RAB3C: variants seen among roughly 807,000 people sequenced by gnomAD.
RAB3C encodes RAB3C, member RAS oncogene family, also known as ras-related protein Rab-3C.
RAB3C carries 17 observed loss-of-function variants against 26.4 expected under a neutral mutation model. That is an observed-to-expected ratio of 0.64 (90% CI 0.44 to 0.97). The LOEUF is 0.97. Among genes scored for constraint, RAB3C ranks in the 50% least tolerant of loss-of-function variants. The pLI is 0.00. For missense variants in RAB3C, 242 were observed against 281.9 expected (o/e 0.86, Z 1.01); for synonymous variants, 91 against 95.9 (o/e 0.95, Z 0.30).
chr5:58,762,136 C>A (rs1185681620), intron 3 of RAB3C, among the ~76,000 whole-genome samples: 1 of 151,380 alleles, frequency 6.6e-6, no homozygotes, highest in African/African-American at 2.4e-5. Flanking sequence ...AACATATAAT[C>A]AATATAAAAA....
intron 2 of RAB3C, among the ~76,000 whole-genome samples, chr5:58,701,248 G>C (rs192556197): frequency 6.6e-6 from 1 of 152,078 alleles, no homozygotes; most frequent in Non-Finnish European, 1.5e-5. Flanking sequence ...TGATCCACCC[G>C]CCTTGGCCTC....
rs369045016 is a variant in RAB3C, at chr5:58,821,654, T to A, written c.372-3384T>A. Among the ~76,000 whole-genome samples the A allele has an allele frequency of 2.6e-5, 4 of 152,330 alleles. No individual in the cohort carries two copies. The East Asian group carries it at 7.7e-4, about 29-fold the overall frequency. ...AATTAGAAAGGTCGTATTGTTCTGA[T>A]AAAATATGCTATGACTCTGAGATGT... is the stretch of plus-strand genomic sequence containing the variant. On this transcript the variant is annotated intron_variant, in intron 3 of 4. Transcript: ENST00000282878.
chr5:58,667,334 T>A (rs1026133783), intron 2 of RAB3C, among the ~76,000 whole-genome samples: 6 of 152,180 alleles, frequency 3.9e-5, no homozygotes, highest in Non-Finnish European at 5.9e-5. Context: ...TTTCCTGACT[T>A]AAGGAAATGA....
At chr5:58,582,470 C>T, upstream of RAB3C, 1 of 965,760 alleles carries the variant, frequency 1.0e-6, no homozygotes, top group Non-Finnish European at 1.2e-6. Context: ...CGCTTTCACG[C>T]ACTTCGGTGT....
chr5:58,800,904 C>A (rs1013379812), intron 3 of RAB3C, among the ~76,000 whole-genome samples: 1 of 152,176 alleles, frequency 6.6e-6, no homozygotes, highest in Admixed American at 6.5e-5. Context: ...CTTCCCACAT[C>A]AATTCTGAGT....
chr5:58,766,415 C>G (rs140464041), intron 3 of RAB3C, among the ~76,000 whole-genome samples: 1 of 152,096 alleles, frequency 6.6e-6, no homozygotes, highest in African/African-American at 2.4e-5. Context: ...CGCACCTAGC[C>G]GAGTAGTTCT....
chr5:58,596,881 AT>A (rs1746289722), intron 1 of RAB3C, among the ~76,000 whole-genome samples: 2 of 97,904 alleles, frequency 2.0e-5, no homozygotes, highest in South Asian at 6.7e-4. Flanking sequence ...TTAATATATA[AT>A]ACATAATATA....
intron 2 of RAB3C, among the ~76,000 whole-genome samples, chr5:58,689,549 C>A (rs900691625): frequency 3.9e-5 from 6 of 152,046 alleles, no homozygotes; most frequent in Non-Finnish European, 7.4e-5. Flanking sequence ...AGGTTAATTT[C>A]TGGTTGTGAC....
At chr5:58,604,895 A>G (rs983109856) in intron 1 of RAB3C, among the ~76,000 whole-genome samples, 2 of 152,158 alleles carry the variant, frequency 1.3e-5, no homozygotes, top group Admixed American at 6.5e-5. Context: ...GTGGAGTTTT[A>G]ACCGCTGCTC....
intron 3 of RAB3C, among the ~76,000 whole-genome samples, chr5:58,761,061 TCTCA>T (rs1741787661): frequency 2.3e-4 from 29 of 126,542 alleles, no homozygotes; most frequent in African/African-American, 8.0e-4. Flanking sequence ...TCTCTCTCTC[TCTCA>T]CACACACACA....
intron 2 of RAB3C, among the ~76,000 whole-genome samples, chr5:58,636,865 C>T (rs1747300929): frequency 6.6e-6 from 1 of 152,068 alleles, no homozygotes; most frequent in African/African-American, 2.4e-5. Context: ...TCATATGTGT[C>T]CTTAAAGTTC....
At chr5:58,642,130 G>A (rs988301824) in intron 2 of RAB3C, among the ~76,000 whole-genome samples, 2 of 152,180 alleles carry the variant, frequency 1.3e-5, no homozygotes, top group Admixed American at 1.3e-4. Context: ...CCATTTGCAT[G>A]ATGAGCTGCA....
chr5:58,738,402 T>G (rs1741198977), intron 3 of RAB3C, among the ~76,000 whole-genome samples: 1 of 152,204 alleles, frequency 6.6e-6, no homozygotes, highest in Admixed American at 6.5e-5. Flanking sequence ...AAAGTGTGTG[T>G]GTGTGCATGT....
intron 1 of RAB3C, among the ~76,000 whole-genome samples, chr5:58,609,202 A>C (rs1037859322): frequency 6.6e-6 from 1 of 152,060 alleles, no homozygotes; most frequent in Non-Finnish European, 1.5e-5. Context: ...GAAAAGAAAA[A>C]CCTGAACTAT....
At position 58,632,153 on chromosome 5, in the gene RAB3C, A is replaced by T. The variant is rs145007448; in HGVS notation, c.252+14283A>T. 5.8e-3 allele frequency among the ~76,000 whole-genome samples: 879 copies of T among 152,310 alleles called. 12 individuals carry two copies. The highest frequency in any genetic ancestry group is 0.02 in the African/African-American group (844 of 41,574). On this transcript the variant is annotated intron_variant, in intron 2 of 4. Transcript: ENST00000282878. ...TGATCTCACAATATGAGAGAGATTCACATATGAAAGCAACCAGACAAAGAA... is the reference window on the plus strand; with the variant it reads ...TGATCTCACAATATGAGAGAGATTCTCATATGAAAGCAACCAGACAAAGAA...
chr5:58,713,000 A>G (rs1258920784), intron 2 of RAB3C, among the ~76,000 whole-genome samples: 1 of 152,220 alleles, frequency 6.6e-6, no homozygotes, highest in Non-Finnish European at 1.5e-5. Context: ...ATCAAAAACA[A>G]AAGAATAAAC....
At chr5:58,807,179 ATTTGCTTTTT>A (rs1158327646) in intron 3 of RAB3C, among the ~76,000 whole-genome samples, 2 of 152,046 alleles carry the variant, frequency 1.3e-5, no homozygotes, top group Non-Finnish European at 2.9e-5. Context: ...TCCTGGGATG[ATTTGCTTTTT>A]AAAGCAGCAG....
chr5:58,646,293 A>C (rs1747516819), intron 2 of RAB3C, among the ~76,000 whole-genome samples: 1 of 152,180 alleles, frequency 6.6e-6, no homozygotes, highest in South Asian at 2.1e-4. Flanking sequence ...AGAAGCATAA[A>C]ACAATGTATT....
intron 2 of RAB3C, among the ~76,000 whole-genome samples, chr5:58,718,724 T>C (rs1749225135): frequency 6.6e-6 from 1 of 152,018 alleles, no homozygotes; most frequent in Non-Finnish European, 1.5e-5. Context: ...GCTGGTTTAT[T>C]AGTACTCTTC....
Sources: allele counts gnomAD v4.1 joint callset (sites outside exome capture counted in the v4.1 genomes callset), GRCh38; gene constraint gnomAD v4.1.1; transcripts MANE v1.5; gene names NCBI Gene and HGNC (gene_info 2026-07-23, HGNC 2026-07-21).